Variants in GNAQ observed in about 807,000 individuals in gnomAD.
GNAQ encodes the protein G protein subunit alpha q.
GNAQ carries 8 observed loss-of-function variants against 43.9 expected under a neutral mutation model. The ratio of observed to expected loss-of-function variants is 0.18; its 90% CI spans 0.11 to 0.33. GNAQ has a LOEUF of 0.33. Among genes scored for constraint, GNAQ ranks in the 10% least tolerant of loss-of-function variants. The pLI, the probability that GNAQ is intolerant of heterozygous loss-of-function variation, is 1.00. For synonymous variants in GNAQ, 155 were observed against 170.7 expected (o/e 0.91, Z 0.71); for missense variants, 158 against 450.8 (o/e 0.35, Z 5.88).
At chr9:77,767,888 G>A (rs1826160735) in intron 5 of GNAQ, among the ~76,000 whole-genome samples, 1 of 152,082 alleles carries the variant, frequency 6.6e-6, no homozygotes, top group Non-Finnish European at 1.5e-5. Context: ...CCAAATACAA[G>A]GAGTTTATTG....
intron 2 of GNAQ, among the ~76,000 whole-genome samples, chr9:77,852,164 C>T (rs970953261): frequency 6.6e-5 from 10 of 152,134 alleles, no homozygotes; most frequent in East Asian, 1.9e-4. Context: ...GCAGCCAAGT[C>T]GGTTAGGCAA....
Position 77,794,490 on chromosome 9 carries a change from A to T in GNAQ, c.708T>A (p.Asp236Glu), listed in dbSNP as rs1299114921. 6.2e-7 allele frequency: 1 copy of T among 1,602,722 alleles called. No individual in the cohort carries two copies. The highest frequency in any genetic ancestry group is 8.5e-7 in the Non-Finnish European group (1 of 1,171,592). The change falls in exon 5 of 7, where the codon GAT becomes GAA. Residue 236 changes from aspartate (D) to glutamate (E), a missense_variant. Physicochemically the swap from Asp to Glu is conservative, Grantham distance 45. Transcript: ENST00000286548. ...CATTGTCTGACTCCACGAGAACTTG[A>T]TCATATTCACTAAGCGCTACTAGAA... ...IMFLVALSEY[D>E]QVLVESDNEN... is the part of the protein sequence containing the mutation.
intron 2 of GNAQ, among the ~76,000 whole-genome samples, chr9:77,868,822 A>G (rs995718568): frequency 6.6e-6 from 1 of 151,662 alleles, no homozygotes; most frequent in Non-Finnish European, 1.5e-5. Context: ...ACCAAAAAAG[A>G]AAAAGACAAC....
intron 3 of GNAQ, among the ~76,000 whole-genome samples, chr9:77,802,600 CAG>C (rs1234904753): frequency 2.6e-5 from 4 of 151,552 alleles, no homozygotes; most frequent in African/African-American, 9.7e-5. Context: ...ACTGTAAATT[CAG>C]AGTTAATTAT....
At chr9:78,025,193 GGTAAT>G (rs1391243700) in intron 1 of GNAQ, among the ~76,000 whole-genome samples, 1 of 151,694 alleles carries the variant, frequency 6.6e-6, no homozygotes, top group African/African-American at 2.4e-5. Context: ...TTTACATATC[GGTAAT>G]GTAACAAATC....
chr9:77,731,482 T>C (rs979304505), intron 5 of GNAQ, among the ~76,000 whole-genome samples: 2 of 152,144 alleles, frequency 1.3e-5, no homozygotes, highest in African/African-American at 2.4e-5. Context: ...CCAGGTGCCA[T>C]GTGGACTGAA....
intron 2 of GNAQ, among the ~76,000 whole-genome samples, chr9:77,859,426 C>T (rs1405589300): frequency 6.6e-6 from 1 of 152,034 alleles, no homozygotes; most frequent in Admixed American, 6.5e-5. Context: ...CATTTAGATC[C>T]ACATATCTGT....
intron 2 of GNAQ, among the ~76,000 whole-genome samples, chr9:77,824,005 T>C (rs1446424402): frequency 1.3e-5 from 2 of 152,206 alleles, no homozygotes; most frequent in African/African-American, 4.8e-5. Flanking sequence ...GATAAATCAA[T>C]GTAGATTTTA....
chr9:77,876,579 T>C (rs968211463), intron 2 of GNAQ, among the ~76,000 whole-genome samples: 9 of 152,234 alleles, frequency 5.9e-5, no homozygotes, highest in African/African-American at 2.2e-4. Flanking sequence ...CTTTACAGGA[T>C]TGCCTTAAAC....
chr9:77,900,906 T>C (rs1470134338), intron 2 of GNAQ, among the ~76,000 whole-genome samples: 1 of 152,208 alleles, frequency 6.6e-6, no homozygotes, highest in Non-Finnish European at 1.5e-5. Context: ...TGCTTCTCCA[T>C]TTCTTTGTAT....
chr9:77,936,499 ATAGAAAAGATAAAAAAGTCAT>A lies in GNAQ; in HGVS notation c.137-14175_137-14155del, dbSNP rs762414582. 1.1e-4 allele frequency among the ~76,000 whole-genome samples: 17 copies of A among 152,332 alleles called. 1 individual carries two copies. In the South Asian group the frequency reaches 3.5e-3, roughly 32 times the overall value. ...AACCTTCCCCCTGAAATGTTTCATC[ATAGAAAAGATAAAAAAGTCAT>A]TAAGGCATCTAGTGAAAACAGTGCC... On this transcript the variant is annotated intron_variant, in intron 1 of 6. Coordinates refer to ENST00000286548, the MANE Select transcript of GNAQ (RefSeq NM_002072.5).
intron 5 of GNAQ, among the ~76,000 whole-genome samples, chr9:77,742,161 A>G (rs935318631): frequency 1.3e-5 from 2 of 152,122 alleles, no homozygotes; most frequent in Admixed American, 1.3e-4. Context: ...ATTCACTCAA[A>G]TACATGTGGG....
At chr9:77,762,108 A>G (rs1373695140) in intron 5 of GNAQ, among the ~76,000 whole-genome samples, 40 of 90,000 alleles carry the variant, frequency 4.4e-4, no homozygotes, top group East Asian at 2.7e-3. Flanking sequence ...CAGCCGCCCC[A>G]TCCGGGAGGG....
chr9:77,912,001 C>T (rs1270649253), intron 2 of GNAQ, among the ~76,000 whole-genome samples: 2 of 152,268 alleles, frequency 1.3e-5, no homozygotes, highest in Middle Eastern at 3.4e-3. Context: ...TTAGAGAGAA[C>T]AATTAACACA....
At position 77,998,507 on chromosome 9, in the gene GNAQ, A is replaced by T. The variant is rs559372584; in HGVS notation, c.136+32593T>A. On this transcript the variant is annotated intron_variant, in intron 1 of 6. Transcript: ENST00000286548. The stretch of plus-strand genomic sequence containing the variant: ...TTCTCCATGTTCCATTTTACTTCAC[A>T]TCTGGACTGTCACTGCAAACAGCTG... 1.5e-4 allele frequency among the ~76,000 whole-genome samples: 23 copies of T among 152,334 alleles called. 1 individual carries two copies. The East Asian group carries it at 4.4e-3, about 29-fold the overall frequency.
In GNAQ at chr9:77,975,276, C is replaced by T. The variant is rs1316889094; in HGVS notation, c.137-52931G>A. Among the ~76,000 whole-genome samples the T allele has an allele frequency of 3.3e-5, 5 of 152,278 alleles. No homozygotes were observed. The East Asian group carries it at 9.7e-4, about 29-fold the overall frequency. On this transcript the variant is annotated intron_variant, in intron 1 of 6. Coordinates refer to ENST00000286548, the MANE Select transcript of GNAQ (RefSeq NM_002072.5). ...TAAATCATTCTGACAACTAAGCTCT[C>T]ACTGCTAGCAATTCTCTAACTCACC...
At chr9:77,952,724 T>C (rs577526963) in intron 1 of GNAQ, among the ~76,000 whole-genome samples, 32 of 152,332 alleles carry the variant, frequency 2.1e-4, no homozygotes, top group African/African-American at 6.3e-4. Flanking sequence ...AAAGTGTCAG[T>C]TGACTACTAA....
At chr9:77,921,341 A>T (rs1828993795) in intron 2 of GNAQ, among the ~76,000 whole-genome samples, 1 of 152,238 alleles carries the variant, frequency 6.6e-6, no homozygotes. Flanking sequence ...GTTCCTGCCT[A>T]CAAGCTTTAT....
At chr9:77,740,071 C>A (rs1444704854) in intron 5 of GNAQ, among the ~76,000 whole-genome samples, 1 of 152,152 alleles carries the variant, frequency 6.6e-6, no homozygotes, top group Non-Finnish European at 1.5e-5. Context: ...AAATAAATAA[C>A]CCAAAACAAT....
Sources: gnomAD v4.1 joint callset for allele counts (sites outside exome capture counted in the v4.1 genomes callset) on GRCh38, gnomAD v4.1.1 for gene constraint, MANE v1.5 for transcripts, NCBI Gene and HGNC (gene_info 2026-07-23, HGNC 2026-07-21) for gene names.